MGAT4B: variants seen among roughly 807,000 people sequenced by gnomAD.
The protein encoded by MGAT4B is alpha-1,3-mannosyl-glycoprotein 4-beta-N-acetylglucosaminyltransferase B.
In MGAT4B, 38 loss-of-function variants were observed where a neutral mutation model predicts 73.9. The observed-to-expected ratio is 0.51, with a 90% confidence interval of 0.40 to 0.67. The LOEUF (loss-of-function observed/expected upper bound fraction) is 0.67, where lower values mean the gene tolerates loss of function less well. Among genes scored for constraint, MGAT4B ranks in the 30% least tolerant of loss-of-function variants. The pLI is 0.00. For missense variants in MGAT4B, 686 were observed against 735.2 expected, an observed-to-expected ratio of 0.93 and a Z score of 0.77; for synonymous variants, 373 against 313.5, an observed-to-expected ratio of 1.19 and a Z score of -2.01.
Position 179,797,965 on chromosome 5 carries a change from C to A in MGAT4B, c.*80G>T. On this transcript the variant is annotated 3_prime_UTR_variant, in exon 15 of 15. Coordinates refer to ENST00000292591, the MANE Select transcript of MGAT4B (RefSeq NM_014275.5). ...CCCTTTGGGCGGGGCCGTATCTGGC[C>A]CTCCGGGGACGGCAGTGACGACACC... 6.5e-7 allele frequency: 1 copy of A among 1,533,170 alleles called. No individual in the cohort carries two copies. Among genetic ancestry groups the A allele is most frequent in the South Asian group, 1.2e-5 (1 of 84,364 alleles). 95.0% of individuals were successfully genotyped at this position (1,533,170 alleles called of 1,614,324 possible).
chr5:179,799,516 T>C lies in MGAT4B; in HGVS notation c.1031A>G (p.Glu344Gly). 6.2e-7 allele frequency: 1 copy of C among 1,613,892 alleles called. No homozygotes were observed. The highest frequency in any genetic ancestry group is 8.5e-7 in the Non-Finnish European group (1 of 1,179,996). Residue 344 changes from glutamate (E) to glycine (G), a missense_variant, in exon 9 of 15, where the codon GAG (glutamate) becomes GGG (glycine). By Grantham distance (98) the Glu-to-Gly change is moderately conservative. Transcript: ENST00000292591. ...CCAGCTCTTGCTCACCGCATCCTTC[T>C]CGGGGTTGCAGACTTTCACCCACAG... is the stretch of plus-strand genomic sequence containing the variant. ...HILWVKVCNP[E>G]KDAKHCDRQK...
intron 1 of MGAT4B, chr5:179,802,190 T>G: frequency 6.7e-7 from 1 of 1,489,250 alleles, no homozygotes; most frequent in South Asian, 1.4e-5. Flanking sequence ...CTTCCAGTAC[T>G]CTCCCCCACC....
Position 179,799,096 on chromosome 5 carries a change from A to G in MGAT4B, c.1175T>C (p.Leu392Pro). 1 of 1,613,958 alleles carries G rather than the reference A, an allele frequency of 6.2e-7. No homozygotes were observed. The highest frequency in any genetic ancestry group is 8.5e-7 in the Non-Finnish European group (1 of 1,180,036). The change falls in exon 11 of 15, where the codon CTG becomes CCG. Residue 392 changes from leucine (L) to proline (P), a missense_variant. Physicochemically the swap from Leu to Pro is moderately conservative, Grantham distance 98. Transcript: ENST00000292591. ...LKDKDFGKQA[L>P]RKEHVNPPAE... ...TGGCGGGTTCACATGCTCCTTCCGC[A>G]GCGCCTGCTTTCCAAAGTCTTTGTC...
Position 179,801,935 on chromosome 5 carries a change from C to T in MGAT4B, c.132G>A (p.Leu44=). The change falls in exon 2 of 15, where the codon CTG becomes CTA. Residue 44 remains leucine, a synonymous_variant. Transcript: ENST00000292591. The surrounding 1 kb of genome is among the most constrained non-coding windows in gnomAD (Gnocchi z 4.8). ...CTGCGTGCAACCGATCGCGCAGCGC[C>T]AGGAACTCCCGCTGGTAAACGTCCA... is the stretch of plus-strand genomic sequence containing the variant. ...DVVDVYQREF[L]ALRDRLHAAE... 1 of 1,613,376 alleles carries T rather than the reference C, an allele frequency of 6.2e-7. No individual in the cohort carries two copies. Among genetic ancestry groups the T allele is most frequent in the Non-Finnish European group, 8.5e-7 (1 of 1,180,006 alleles).
chr5:179,800,040 T>C lies in MGAT4B; in HGVS notation c.824A>G (p.Asn275Ser), dbSNP rs116683383. 847 of 1,614,044 alleles carry C rather than the reference T, an allele frequency of 5.2e-4. 5 individuals carry two copies. The African/African-American group carries it at 0.01, about 19-fold the overall frequency. Residue 275 changes from asparagine to serine, a missense_variant, in exon 8 of 15, where the codon AAC becomes AGC. Physicochemically the swap from Asn to Ser is conservative, Grantham distance 46 (BLOSUM62 1). Around this residue, in one of 2 missense-constraint regions of MGAT4B, gnomAD observed 449 missense variants for 536.8 expected, o/e 0.84. Coordinates refer to ENST00000292591, the MANE Select transcript of MGAT4B (RefSeq NM_014275.5). The part of the protein sequence containing the change: ...QLEDDIVAKP[N>S]YLSTMKNFAL... ...AAAGTTCTTCATGGTGCTCAGGTAG[T>C]TGGGCTTGGCCACGATGTCATCCTC...
chr5:179,806,390 G>A lies in MGAT4B; in HGVS notation c.97+97C>T. The A allele has an allele frequency of 2.9e-6, 2 of 687,662 alleles. No individual in the cohort carries two copies. Among genetic ancestry groups the A allele is most frequent in the East Asian group, 8.5e-5 (1 of 11,750 alleles). 42.6% of individuals were successfully genotyped at this position (687,662 alleles called of 1,614,324 possible). ...GCCCGGGCGGGGAAGGGGCGCCTGCGTCGGCTTCCGGCCGCCTTCCGCGGC... is the reference window on the plus strand; with the variant it reads ...GCCCGGGCGGGGAAGGGGCGCCTGCATCGGCTTCCGGCCGCCTTCCGCGGC... On this transcript the variant is annotated intron_variant, in intron 1 of 14. Coordinates refer to ENST00000292591, the MANE Select transcript of MGAT4B (RefSeq NM_014275.5). This position sits in a 1 kb window ranked among gnomAD's most constrained non-coding sequence, Gnocchi z 4.6.
rs1405075110 is a variant in MGAT4B, at chr5:179,799,301, C to T, written c.1051G>A (p.Asp351Asn). The T allele has an allele frequency of 6.2e-7, 1 of 1,613,746 alleles. No individual in the cohort carries two copies. ...CNPEKDAKHC[D>N]RQKANLRIRF... ...ATCCGCAGGTTGGCTTTCTGCCGGT[C>T]ACAGTGCTTCTGTGGAGGGTGGGCA... The change falls in exon 10 of 15, where the codon GAC becomes AAC. Residue 351 changes from aspartate (D) to asparagine (N), a missense_variant. Asp to Asn is a conservative substitution (Grantham distance 23, BLOSUM62 1). Around this residue, in one of 2 missense-constraint regions of MGAT4B, gnomAD observed 449 missense variants for 536.8 expected, o/e 0.84. Transcript: ENST00000292591.
Position 179,801,718 on chromosome 5 carries a change from G to C in MGAT4B, c.284-24C>G. The C allele has an allele frequency of 1.2e-6, 2 of 1,601,114 alleles. No homozygotes were observed. Among genetic ancestry groups the C allele is most frequent in the Non-Finnish European group, 1.7e-6 (2 of 1,174,196 alleles). ...CTCTGGGTGGGTCGGGAAGGATCGG[G>C]ACTGAGACCAGGGAACCTACAACCA... On this transcript the variant is annotated intron_variant, in intron 2 of 14. Coordinates refer to ENST00000292591, the MANE Select transcript of MGAT4B (RefSeq NM_014275.5). The surrounding 1 kb of genome is among the most constrained non-coding windows in gnomAD (Gnocchi z 4.8).
At position 179,801,041 on chromosome 5, in the gene MGAT4B, G is replaced by A. The variant is rs546836468; in HGVS notation, c.559-88C>T. The A allele has an allele frequency of 7.3e-6, 11 of 1,498,100 alleles. No individual in the cohort carries two copies. In the Admixed American group the frequency reaches 8.6e-5, roughly 12 times the overall value. The allele number at this position is 1,498,100 out of a possible 1,614,324, so 92.8% of individuals were successfully genotyped here. ...TGGAGAAGGGGCACAGGCTTCAGAT[G>A]CCCCCCACGTGGAGGGAGTGAGCCT... On this transcript the variant is annotated intron_variant, in intron 4 of 14. Coordinates refer to ENST00000292591, the MANE Select transcript of MGAT4B (RefSeq NM_014275.5). This position sits in a 1 kb window ranked among gnomAD's most constrained non-coding sequence, Gnocchi z 4.8.
At chr5:179,802,224 AG>A in intron 1 of MGAT4B, 1 of 1,449,390 alleles carries the variant, frequency 6.9e-7, no homozygotes, top group Middle Eastern at 2.1e-4. Context: ...TCCTCTGAGA[AG>A]GCATCTGAAG....
In MGAT4B at chr5:179,801,256, G is replaced by A. The variant is rs1159945662; in HGVS notation, c.558+78C>T. The stretch of plus-strand genomic sequence containing the variant: ...CTGAACTTCCGACAGCTTTCTCCTC[G>A]GAATGGTTCCTGCTGTCAGTTCTGC... On this transcript the variant is annotated intron_variant, in intron 4 of 14. Transcript: ENST00000292591. The surrounding 1 kb of genome is among the most constrained non-coding windows in gnomAD (Gnocchi z 4.8). 1.1e-5 allele frequency: 17 copies of A among 1,496,246 alleles called. No individual in the cohort carries two copies. The highest frequency in any genetic ancestry group is 2.2e-5 in the Admixed American group (1 of 44,556). The allele number at this position is 1,496,246 out of a possible 1,614,324, so 92.7% of individuals were successfully genotyped here.
At chr5:179,805,837 G>A (rs1361266475) in intron 1 of MGAT4B, among the ~76,000 whole-genome samples, 1 of 152,086 alleles carries the variant, frequency 6.6e-6, no homozygotes, top group Non-Finnish European at 1.5e-5. Flanking sequence ...CGGCGCGGGG[G>A]GATCGGCCCG....
chr5:179,797,822 C>T lies in MGAT4B; in HGVS notation c.*223G>A. The T allele has an allele frequency of 1.8e-6, 1 of 568,606 alleles. No homozygotes were observed. Among genetic ancestry groups the T allele is most frequent in the Non-Finnish European group, 3.0e-6 (1 of 333,576 alleles). The allele number at this position is 568,606 out of a possible 1,614,324, so 35.2% of individuals were successfully genotyped here. On this transcript the variant is annotated 3_prime_UTR_variant, in exon 15 of 15. Coordinates refer to ENST00000292591, the MANE Select transcript of MGAT4B (RefSeq NM_014275.5). ...GGTGCGAACGGTTCCGGGCCTCAGGCACAGTGTGGGGGCCGCCTGCCTCCT... is the reference window on the plus strand; with the variant it reads ...GGTGCGAACGGTTCCGGGCCTCAGGTACAGTGTGGGGGCCGCCTGCCTCCT...
chr5:179,800,449 G>T, intron 6 of MGAT4B, 35 bp downstream of exon 6: 1 of 1,485,868 alleles, frequency 6.7e-7, no homozygotes, highest in Middle Eastern at 1.7e-4. Flanking sequence ...GCACAGGCAG[G>T]CGGGTTGCTG....
At chr5:179,803,134 G>A (rs1255566354) in intron 1 of MGAT4B, 1 of 985,596 alleles carries the variant, frequency 1.0e-6, no homozygotes, top group African/African-American at 1.7e-5. Flanking sequence ...CAGGGAAGAG[G>A]AAGGGGTGGA....
Position 179,801,358 on chromosome 5 carries a change from C to A in MGAT4B, c.534G>T (p.Ser178=), listed in dbSNP as rs778332836. ...CCTCGGCGATCAGCACCACGATGACCGAGTCCTCCTTCTCCTGCGGGCTCA... is the reference window on the plus strand; with the variant it reads ...CCTCGGCGATCAGCACCACGATGACAGAGTCCTCCTTCTCCTGCGGGCTCA... ...SELSPQEKED[S]VIVVLIAETD... is the part of the protein sequence containing the mutation. The change falls in exon 4 of 15, where the codon TCG becomes TCT. Residue 178 remains serine (S), a synonymous_variant. Transcript: ENST00000292591. The surrounding 1 kb of genome is among the most constrained non-coding windows in gnomAD (Gnocchi z 4.8). The A allele has an allele frequency of 1.2e-6, 2 of 1,612,248 alleles. No individual in the cohort carries two copies. Among genetic ancestry groups the A allele is most frequent in the Non-Finnish European group, 1.7e-6 (2 of 1,179,284 alleles).
Position 179,797,952 on chromosome 5 carries a change from G to A in MGAT4B, c.*93C>T. The A allele has an allele frequency of 6.7e-7, 1 of 1,498,498 alleles. No individual in the cohort carries two copies. Among genetic ancestry groups the A allele is most frequent in the South Asian group, 1.2e-5 (1 of 83,050 alleles). The allele number at this position is 1,498,498 out of a possible 1,614,324, so 92.8% of individuals were successfully genotyped here. ...ACGCCAGGCAGAACCCTTTGGGCGG[G>A]GCCGTATCTGGCCCTCCGGGGACGG... On this transcript the variant is annotated 3_prime_UTR_variant, in exon 15 of 15. Transcript: ENST00000292591.
chr5:179,801,936 AG>A lies in MGAT4B; in HGVS notation c.130del (p.Leu44TrpfsTer50). 6.2e-7 allele frequency: 1 copy of A among 1,613,290 alleles called. No individual in the cohort carries two copies. The highest frequency in any genetic ancestry group is 1.1e-5 in the South Asian group (1 of 91,080). Reference sequence around the variant, plus strand: ...TGCGTGCAACCGATCGCGCAGCGCCAGGAACTCCCGCTGGTAAACGTCCACA... The same window carrying A: ...TGCGTGCAACCGATCGCGCAGCGCCAGAACTCCCGCTGGTAAACGTCCACA... ...DVVDVYQREFLALRDRLHAAE... is the reference protein window; with the variant it reads ...DVVDVYQREFXALRDRLHAAE... On this transcript the variant is annotated frameshift_variant, in exon 2 of 15. Coordinates refer to ENST00000292591, the MANE Select transcript of MGAT4B (RefSeq NM_014275.5). LOFTEE classifies it high-confidence loss of function. This position sits in a 1 kb window ranked among gnomAD's most constrained non-coding sequence, Gnocchi z 4.8.
intron 6 of MGAT4B, 46 bp from the exon 7 acceptor site, chr5:179,800,305 C>T: frequency 6.2e-7 from 1 of 1,603,168 alleles, no homozygotes; most frequent in South Asian, 1.1e-5. Context: ...CCTCCACCTC[C>T]ATTGTGGCTC....
Sources: allele counts gnomAD v4.1 joint callset (sites outside exome capture counted in the v4.1 genomes callset), GRCh38; gene constraint gnomAD v4.1.1; regional missense constraint gnomAD v4.1.1; non-coding constraint Gnocchi (gnomAD v3.1); transcripts MANE v1.5; gene names NCBI Gene and HGNC (gene_info 2026-07-23, HGNC 2026-07-21).